Variants in MRTFA observed in about 807,000 individuals in gnomAD.
MRTFA encodes the protein myocardin-related transcription factor A.
Under a neutral mutation model 83.5 loss-of-function variants are expected in MRTFA, and 20 were observed. That is an observed-to-expected ratio of 0.24 (90% confidence interval 0.17 to 0.35). The LOEUF (loss-of-function observed/expected upper bound fraction) is 0.35, where lower values mean the gene tolerates loss of function less well. Ranked by LOEUF, MRTFA falls within the 10% of genes least tolerant of loss-of-function variation. The probability of loss-of-function intolerance (pLI) is 1.00; values close to 1 mark genes in which losing one functional copy is unlikely to be tolerated. For missense variants in MRTFA, 1,200 were observed against 1,224.7 expected (o/e 0.98, Z 0.30); for synonymous variants, 659 against 541.2 (o/e 1.22, Z -3.02).
At chr22:40,504,760 C>T (rs2147231072) in intron 3 of MRTFA, among the ~76,000 whole-genome samples, 1 of 152,280 alleles carries the variant, frequency 6.6e-6, no homozygotes, top group East Asian at 1.9e-4. Context: ...AAGGCCATGC[C>T]ACTCTTTTTT....
chr22:40,421,331 CT>C (rs1415968585), intron 9 of MRTFA, among the ~76,000 whole-genome samples: 2 of 152,168 alleles, frequency 1.3e-5, no homozygotes, highest in African/African-American at 2.4e-5. Flanking sequence ...TGACCCCCGA[CT>C]TAAAAGCTTC....
intron 10 of MRTFA, 127 bp from the exon 11 acceptor site, chr22:40,420,703 G>GCCCAGCAAAGGCCCAGCAAAGGGCA: frequency 6.5e-7 from 1 of 1,532,462 alleles, no homozygotes; most frequent in Non-Finnish European, 8.8e-7. Flanking sequence ...AAAGGCTAGG[G>GCCCAGCAAAGGCCCAGCAAAGGGCA]TGGCCCTGCC....
chr22:40,495,999 G>A (rs1313660187), intron 3 of MRTFA, among the ~76,000 whole-genome samples: 1 of 151,636 alleles, frequency 6.6e-6, no homozygotes, highest in Non-Finnish European at 1.5e-5. Context: ...CTGGGAGGTG[G>A]AAGTTGCAGT....
chr22:40,629,694 TGAACCCAG>T lies in MRTFA; in HGVS notation c.-84+6776_-84+6783del, dbSNP rs1246979615. 2.7e-5 allele frequency among the ~76,000 whole-genome samples: 4 copies of T among 145,962 alleles called. No homozygotes were observed. In the East Asian group the frequency reaches 8.1e-4, roughly 30 times the overall value. On this transcript the variant is annotated intron_variant, in intron 1 of 14. Transcript: ENST00000355630. ...GGGAGGCTAAGGCAGGAGAATTGCT[TGAACCCAG>T]GATGCGGAGCTTGCAGTGAGCCGAG...
At chr22:40,426,275 G>C (rs996807029) in intron 7 of MRTFA, among the ~76,000 whole-genome samples, 1 of 151,958 alleles carries the variant, frequency 6.6e-6, no homozygotes. Flanking sequence ...CCTCAGCCAG[G>C]GTTCCATTTC....
chr22:40,581,947 C>T (rs751183569), intron 2 of MRTFA, among the ~76,000 whole-genome samples: 8 of 152,076 alleles, frequency 5.3e-5, no homozygotes, highest in Non-Finnish European at 1.0e-4. Flanking sequence ...TAAAATTCGC[C>T]CTTTCGAAGT....
At chr22:40,537,152 G>T (rs1804417263) in intron 3 of MRTFA, among the ~76,000 whole-genome samples, 1 of 43,672 alleles carries the variant, frequency 2.3e-5, no homozygotes, top group Non-Finnish European at 4.7e-5. Flanking sequence ...CCACGTCCGG[G>T]AGGTGAGGGG....
chr22:40,500,965 G>A (rs1292197626), intron 3 of MRTFA, among the ~76,000 whole-genome samples: 5 of 142,536 alleles, frequency 3.5e-5, no homozygotes, highest in Non-Finnish European at 7.7e-5. Flanking sequence ...TCCCAGTAGG[G>A]GCGGCCGGGC....
chr22:40,618,992 AAT>A (rs753350588), intron 1 of MRTFA, among the ~76,000 whole-genome samples: 22 of 149,078 alleles, frequency 1.5e-4, no homozygotes, highest in Admixed American at 2.0e-4. Flanking sequence ...AATAATTAAA[AAT>A]ATATATATAT....
chr22:40,627,485 GCAAC>G (rs1407713966), intron 1 of MRTFA, among the ~76,000 whole-genome samples: 1 of 152,074 alleles, frequency 6.6e-6, no homozygotes, highest in Non-Finnish European at 1.5e-5. Context: ...CTCAGGAATG[GCAAC>G]CAGATACATA....
chr22:40,509,988 A>AAAAAAAAAAAAG (rs2054641236), intron 3 of MRTFA, among the ~76,000 whole-genome samples: 3 of 151,306 alleles, frequency 2.0e-5, no homozygotes, highest in Admixed American at 2.0e-4. Flanking sequence ...ACTTTAAAAA[A>AAAAAAAAAAAAG]AAAAAAAAAG....
intron 3 of MRTFA, among the ~76,000 whole-genome samples, chr22:40,545,035 A>G (rs2055342298): frequency 6.6e-6 from 1 of 151,642 alleles, no homozygotes; most frequent in Non-Finnish European, 1.5e-5. Flanking sequence ...AATCATTGGT[A>G]TATATATAAA....
intron 4 of MRTFA, among the ~76,000 whole-genome samples, chr22:40,435,922 G>A (rs1327734452): frequency 4.8e-5 from 7 of 144,858 alleles, no homozygotes; most frequent in East Asian, 2.0e-4. Flanking sequence ...GCAACAGAGC[G>A]AGAAACCGTC....
intron 3 of MRTFA, among the ~76,000 whole-genome samples, chr22:40,525,786 C>G (rs966578888): frequency 2.6e-5 from 4 of 151,962 alleles, no homozygotes; most frequent in African/African-American, 9.7e-5. Context: ...GCTAAATCAC[C>G]CATTCAACAA....
In MRTFA at chr22:40,411,172, A is replaced by C. The variant is rs1033229687; in HGVS notation, c.*218T>G. 2.2e-6 allele frequency: 1 copy of C among 452,904 alleles called. No individual in the cohort carries two copies. Among genetic ancestry groups the C allele is most frequent in the Non-Finnish European group, 3.8e-6 (1 of 261,954 alleles). The allele number at this position is 452,904 out of a possible 1,614,324, so 28.1% of individuals were successfully genotyped here. A position where few individuals can be genotyped will look rare whatever the true frequency, so the allele number is the denominator to read the frequency against. ...CGTGTGTCCAAAACCCCAGCGTGAG[A>C]GCCAGGGCTGCTTCTTGACAGCTGC... On this transcript the variant is annotated 3_prime_UTR_variant, in exon 15 of 15. Coordinates refer to ENST00000355630, the MANE Select transcript of MRTFA (RefSeq NM_020831.6).
In MRTFA at chr22:40,418,646, T is replaced by C; in HGVS notation, c.2092A>G (p.Asn698Asp). Residue 698 changes from asparagine (N) to aspartate (D), a missense_variant, in exon 12 of 15, where the codon AAC (asparagine) becomes GAC (aspartate). Around this residue, in one of 2 missense-constraint regions of MRTFA, gnomAD observed 1,107 missense variants for 1,041.8 expected, o/e 1.06. Transcript: ENST00000355630. Reference sequence around the variant, plus strand: ...GTGGCTGGGGCCGCCAGGCTGGGGTTGAATGGGTGAGCGGGGCCCAGGGGC... The same window carrying C: ...GTGGCTGGGGCCGCCAGGCTGGGGTCGAATGGGTGAGCGGGGCCCAGGGGC... The C allele has an allele frequency of 6.6e-7, 1 of 1,522,510 alleles. No homozygotes were observed. The highest frequency in any genetic ancestry group is 8.7e-7 in the Non-Finnish European group (1 of 1,145,432). 94.3% of individuals were successfully genotyped at this position (1,522,510 alleles called of 1,614,324 possible). A position where few individuals can be genotyped will look rare whatever the true frequency, so the allele number is the denominator to read the frequency against.
chr22:40,592,492 CTT>C (rs978906466), intron 2 of MRTFA, among the ~76,000 whole-genome samples: 7 of 130,010 alleles, frequency 5.4e-5, no homozygotes, highest in Non-Finnish European at 8.4e-5. Context: ...TTTTTTTTTT[CTT>C]TTTTTTTTTT....
chr22:40,621,759 T>C (rs2056525606), intron 1 of MRTFA, among the ~76,000 whole-genome samples: 1 of 152,066 alleles, frequency 6.6e-6, no homozygotes, highest in African/African-American at 2.4e-5. Flanking sequence ...TAAAAGAAAA[T>C]TACTCACAGG....
rs1423796730 is a variant in MRTFA at position 40,590,160 on chromosome 22, G to T, written c.-22+4514C>A. On this transcript the variant is annotated intron_variant, in intron 2 of 14. Transcript: ENST00000355630. ...ACACTGTTAGCCAGGTTAGTTTGTT[G>T]CTCTAAGAAGATGTATTGCTACTAC... Among the ~76,000 whole-genome samples the T allele has an allele frequency of 3.3e-5, 5 of 151,820 alleles. No homozygotes were observed. In the East Asian group the frequency reaches 9.7e-4, roughly 29 times the overall value.
Sources: allele counts gnomAD v4.1 joint callset (sites outside exome capture counted in the v4.1 genomes callset), GRCh38; gene constraint gnomAD v4.1.1; regional missense constraint gnomAD v4.1.1; transcripts MANE v1.5; gene names NCBI Gene and HGNC (gene_info 2026-07-23, HGNC 2026-07-21).